The following VPS41 variants were observed in gnomAD, a reference collection of about 807,000 sequenced individuals.
The protein encoded by VPS41 is vacuolar protein sorting-associated protein 41 homolog.
A neutral mutation model predicts 130.9 loss-of-function variants in VPS41; 85 were observed. The observed-to-expected ratio is 0.65, with a 90% CI of 0.55 to 0.78. The LOEUF (loss-of-function observed/expected upper bound fraction) is 0.78. Among genes scored for constraint, VPS41 ranks in the 30% least tolerant of loss-of-function variants. The pLI is 0.00. For missense variants in VPS41, 874 were observed against 1,018.7 expected, an observed-to-expected ratio of 0.86 and a Z score of 1.93; for synonymous variants, 335 against 332.9, an observed-to-expected ratio of 1.01 and a Z score of -0.07.
chr7:38,828,200 T>A (rs1295747941), intron 5 of VPS41, among the ~76,000 whole-genome samples: 1 of 152,038 alleles, frequency 6.6e-6, no homozygotes, highest in Admixed American at 6.6e-5. Flanking sequence ...GTACTTATCC[T>A]AAAAGTTTTC....
chr7:38,841,867 G>A (rs1785615331), intron 4 of VPS41, among the ~76,000 whole-genome samples: 1 of 152,212 alleles, frequency 6.6e-6, no homozygotes, highest in African/African-American at 2.4e-5. Flanking sequence ...GCCTCCCAAA[G>A]TGCTGGGATT....
At chr7:38,870,411 G>A (rs1312097263) in intron 2 of VPS41, among the ~76,000 whole-genome samples, 1 of 152,160 alleles carries the variant, frequency 6.6e-6, no homozygotes, top group South Asian at 2.1e-4. Context: ...CACAGTCTTA[G>A]TTGGAACCCC....
chr7:38,845,921 G>A (rs1037225140), intron 4 of VPS41, among the ~76,000 whole-genome samples: 15 of 152,178 alleles, frequency 9.9e-5, no homozygotes, highest in African/African-American at 3.6e-4. Flanking sequence ...CACATAATGT[G>A]TGAAATATGA....
At chr7:38,874,333 C>T (rs1038782347) in intron 2 of VPS41, among the ~76,000 whole-genome samples, 2 of 152,074 alleles carry the variant, frequency 1.3e-5, no homozygotes, top group African/African-American at 2.4e-5. Context: ...TATTAAAATC[C>T]ATTTTGTTTT....
At chr7:38,819,809 T>C in intron 6 of VPS41, among the ~76,000 whole-genome samples, 1 of 152,084 alleles carries the variant, frequency 6.6e-6, no homozygotes, top group East Asian at 1.9e-4. Flanking sequence ...TGTTCCAGAA[T>C]TTCACCATCA....
At position 38,726,951 on chromosome 7, in the gene VPS41, G is replaced by A; in HGVS notation, c.2442C>T (p.Cys814=). The A allele has an allele frequency of 6.3e-7, 1 of 1,591,868 alleles. No individual in the cohort carries two copies. ...GGCACTCCTTGTGGAACATGTGCCG[G>A]CAATGGAAGACCACCACGCTGAAGG... The part of the protein sequence containing the change: ...AKPFSVVVFH[C]RHMFHKECLP... The change falls in exon 28 of 29, where the codon TGC becomes TGT. Residue 814 remains cysteine, a synonymous_variant. Transcript: ENST00000310301.
At chr7:38,771,663 T>C (rs948296139) in intron 13 of VPS41, among the ~76,000 whole-genome samples, 1 of 152,216 alleles carries the variant, frequency 6.6e-6, no homozygotes, top group African/African-American at 2.4e-5. Context: ...TTTTCCCTTA[T>C]GTTTCAATAA....
intron 12 of VPS41, among the ~76,000 whole-genome samples, chr7:38,773,835 T>C (rs1228264518): frequency 6.6e-6 from 1 of 152,092 alleles, no homozygotes; most frequent in African/African-American, 2.4e-5. Flanking sequence ...TCACATTAAA[T>C]AGTTAGGACA....
At chr7:38,741,410 G>A (rs1191871242) in intron 25 of VPS41, 1 of 274,410 alleles carries the variant, frequency 3.6e-6, no homozygotes, top group African/African-American at 2.3e-5. Context: ...TAATTTATAT[G>A]AAAATAATGA....
intron 5 of VPS41, among the ~76,000 whole-genome samples, chr7:38,828,074 A>G (rs1353007609): frequency 6.6e-6 from 1 of 152,182 alleles, no homozygotes; most frequent in East Asian, 1.9e-4. Context: ...TAAATGTCAG[A>G]AAAAAGGGAG....
intron 22 of VPS41, among the ~76,000 whole-genome samples, chr7:38,751,264 T>C (rs570647101): frequency 2.0e-5 from 3 of 152,360 alleles, no homozygotes; most frequent in Non-Finnish European, 4.4e-5. Context: ...TTTGCACATA[T>C]CTCTAATGGG....
At chr7:38,789,469 G>T (rs570899869) in intron 10 of VPS41, among the ~76,000 whole-genome samples, 1 of 152,168 alleles carries the variant, frequency 6.6e-6, no homozygotes, top group South Asian at 2.1e-4. Flanking sequence ...GGTCAGTGTG[G>T]CTGCAGCACA....
intron 23 of VPS41, among the ~76,000 whole-genome samples, chr7:38,743,852 T>C (rs1256998246): frequency 6.6e-6 from 1 of 152,210 alleles, no homozygotes. Context: ...GAAATGTTAG[T>C]AGCTTGCTAA....
intron 6 of VPS41, among the ~76,000 whole-genome samples, chr7:38,818,981 A>G (rs1180845631): frequency 6.6e-6 from 1 of 152,040 alleles, no homozygotes; most frequent in Non-Finnish European, 1.5e-5. Flanking sequence ...TCCCTTCAAC[A>G]CTTTCCTAAT....
intron 9 of VPS41, among the ~76,000 whole-genome samples, chr7:38,790,697 G>A (rs1372227471): frequency 1.3e-5 from 2 of 152,152 alleles, no homozygotes; most frequent in Non-Finnish European, 2.9e-5. Flanking sequence ...ATATGCAAAT[G>A]TTACATCATT....
At chr7:38,788,011 ACCACTGAG>A (rs934911363) in intron 10 of VPS41, among the ~76,000 whole-genome samples, 6 of 152,196 alleles carry the variant, frequency 3.9e-5, no homozygotes, top group Non-Finnish European at 8.8e-5. Context: ...TAATAGGGCC[ACCACTGAG>A]CCAGCTATCA....
intron 5 of VPS41, among the ~76,000 whole-genome samples, chr7:38,829,575 A>C (rs1023810663): frequency 6.6e-6 from 1 of 152,178 alleles, no homozygotes; most frequent in African/African-American, 2.4e-5. Context: ...TCGACTTAAA[A>C]ACAAAAAAGA....
At chr7:38,791,980 T>C (rs1784544536) in intron 9 of VPS41, among the ~76,000 whole-genome samples, 1 of 152,156 alleles carries the variant, frequency 6.6e-6, no homozygotes. Flanking sequence ...TTATTATGTT[T>C]AATCCAGAGA....
intron 14 of VPS41, among the ~76,000 whole-genome samples, chr7:38,769,086 A>C (rs894494672): frequency 8.5e-5 from 13 of 152,150 alleles, no homozygotes; most frequent in Admixed American, 3.3e-4. Context: ...CACTACTTTC[A>C]TATCACCAAA....
Sources: allele counts gnomAD v4.1 joint callset (sites outside exome capture counted in the v4.1 genomes callset), GRCh38; gene constraint gnomAD v4.1.1; transcripts MANE v1.5; gene names NCBI Gene and HGNC (gene_info 2026-07-23, HGNC 2026-07-21).